Variants in MINDY2 observed in about 807,000 individuals in gnomAD.
The protein encoded by MINDY2 is MINDY lysine 48 deubiquitinase 2, also known as ubiquitin carboxyl-terminal hydrolase MINDY-2.
A neutral mutation model predicts 68.2 loss-of-function variants in MINDY2; 52 were observed. The ratio of observed to expected loss-of-function variants is 0.76; its 90% CI spans 0.61 to 0.96. The LOEUF (loss-of-function observed/expected upper bound fraction) is 0.96. MINDY2 is among the 40% of genes least tolerant of loss of function. MINDY2 has a pLI of 0.00. For missense variants in MINDY2, 881 were observed against 773.4 expected (o/e 1.14, Z -1.65); for synonymous variants, 372 against 303.0 (o/e 1.23, Z -2.36).
chr15:58,807,230 G>T (rs1489562006), intron 3 of MINDY2, among the ~76,000 whole-genome samples: 1 of 151,934 alleles, frequency 6.6e-6, no homozygotes, highest in Admixed American at 6.6e-5. Context: ...ATTAGCAGTA[G>T]GGATTCAGTA....
intron 3 of MINDY2, among the ~76,000 whole-genome samples, chr15:58,809,551 C>T (rs1482841697): frequency 6.6e-6 from 1 of 152,138 alleles, no homozygotes; most frequent in Non-Finnish European, 1.5e-5. Context: ...TCTTCAAGAT[C>T]CTACTTTCAG....
chr15:58,829,833 C>T (rs1027334236), intron 5 of MINDY2, among the ~76,000 whole-genome samples: 40 of 152,116 alleles, frequency 2.6e-4, no homozygotes, highest in African/African-American at 9.2e-4. Context: ...TTTTTACAAC[C>T]ACTTTGTAGC....
At position 58,857,937 on chromosome 15, in the gene MINDY2, C is replaced by T. The variant is rs994443418; in HGVS notation, c.*3327C>T. 1 of 152,096 alleles carries T rather than the reference C, an allele frequency of 6.6e-6. No individual in the cohort carries two copies. Among genetic ancestry groups the T allele is most frequent in the Middle Eastern group, 3.2e-3 (1 of 316 alleles). The allele number at this position is 152,096 out of a possible 1,614,324, so 9.4% of individuals were successfully genotyped here. ...TATAAAATTTTTCTTCATGTCTAAT[C>T]CCATTGCATCCACAATGCTGTGATT... is the stretch of plus-strand genomic sequence containing the variant. On this transcript the variant is annotated 3_prime_UTR_variant, in exon 9 of 9. Coordinates refer to ENST00000559228, the MANE Select transcript of MINDY2 (RefSeq NM_001040450.3).
intron 6 of MINDY2, among the ~76,000 whole-genome samples, chr15:58,839,546 G>C (rs2032176688): frequency 6.6e-6 from 1 of 152,040 alleles, no homozygotes; most frequent in South Asian, 2.1e-4. Context: ...TGGCCAGGCT[G>C]GTCTCAAACT....
intron 1 of MINDY2, 35 bp from the exon 2 acceptor site, chr15:58,787,871 A>G (rs371830694): frequency 6.8e-7 from 1 of 1,478,598 alleles, no homozygotes; most frequent in South Asian, 1.2e-5. Flanking sequence ...CACCTAAAAC[A>G]TTTAATTTTA....
At chr15:58,814,882 G>A (rs1430999220) in intron 4 of MINDY2, among the ~76,000 whole-genome samples, 4 of 149,024 alleles carry the variant, frequency 2.7e-5, no homozygotes, top group Admixed American at 6.8e-5. Flanking sequence ...GCCTCAAGCA[G>A]TCTTCCCACC....
chr15:58,803,702 G>C (rs1280940233), intron 3 of MINDY2, among the ~76,000 whole-genome samples: 1 of 152,042 alleles, frequency 6.6e-6, no homozygotes. Flanking sequence ...TGTAGTCCCA[G>C]CTATTCAGGA....
rs1028194375 is a variant in MINDY2, at chr15:58,794,148, G to A, written c.898+6185G>A. Among the ~76,000 whole-genome samples, 2 of 152,126 alleles carry A rather than the reference G, an allele frequency of 1.3e-5. 1 individual carries two copies. Among genetic ancestry groups the A allele is most frequent in the South Asian group, 4.1e-4 (2 of 4,828 alleles). Reference sequence around the variant, plus strand: ...GAGGGGAGGAATCTAAGGTATGAAGGTGTGTATAGAGAGTGATTATAATTA... The same window carrying A: ...GAGGGGAGGAATCTAAGGTATGAAGATGTGTATAGAGAGTGATTATAATTA... On this transcript the variant is annotated intron_variant, in intron 2 of 8. Transcript: ENST00000559228.
At chr15:58,841,394 T>C (rs969043548) in intron 6 of MINDY2, among the ~76,000 whole-genome samples, 3 of 151,444 alleles carry the variant, frequency 2.0e-5, no homozygotes, top group Non-Finnish European at 4.4e-5. Flanking sequence ...ATAATACGCT[T>C]TTCCTTTCTT....
chr15:58,826,191 T>C (rs2031380168), intron 5 of MINDY2, among the ~76,000 whole-genome samples: 1 of 151,862 alleles, frequency 6.6e-6, no homozygotes, highest in South Asian at 2.1e-4. Flanking sequence ...TGTTGATATG[T>C]TGAATGTTTT....
intron 7 of MINDY2, among the ~76,000 whole-genome samples, chr15:58,849,714 A>G (rs1425523960): frequency 2.0e-5 from 3 of 152,158 alleles, no homozygotes; most frequent in African/African-American, 4.8e-5. Context: ...TAGTCATGCT[A>G]TATATATGAC....
intron 1 of MINDY2, among the ~76,000 whole-genome samples, chr15:58,781,792 A>C (rs1180201795): frequency 3.3e-5 from 5 of 151,914 alleles, no homozygotes; most frequent in Non-Finnish European, 5.9e-5. Flanking sequence ...AATCCCAGCT[A>C]CTCGGGAGGC....
At chr15:58,816,113 C>T (rs894927221) in intron 4 of MINDY2, among the ~76,000 whole-genome samples, 1 of 152,250 alleles carries the variant, frequency 6.6e-6, no homozygotes, top group African/African-American at 2.4e-5. Context: ...ATGCAGCATA[C>T]ATGTGTGCAT....
At chr15:58,790,594 G>GGT (rs1476798562) in intron 2 of MINDY2, among the ~76,000 whole-genome samples, 1 of 151,864 alleles carries the variant, frequency 6.6e-6, no homozygotes, top group African/African-American at 2.4e-5. Context: ...TTAGTGGGGG[G>GGT]TAAGACAAGT....
intron 2 of MINDY2, among the ~76,000 whole-genome samples, chr15:58,795,119 T>C (rs1310893608): frequency 6.6e-6 from 1 of 151,586 alleles, no homozygotes; most frequent in African/African-American, 2.4e-5. Context: ...GAGCTTGCAG[T>C]GTACCGAGAT....
At chr15:58,833,880 TGGGTGTCG>T (rs1325028324) in intron 6 of MINDY2, among the ~76,000 whole-genome samples, 1 of 152,062 alleles carries the variant, frequency 6.6e-6, no homozygotes, top group African/African-American at 2.4e-5. Context: ...AGACCCTTTA[TGGGTGTCG>T]GGCTGCCGGA....
At chr15:58,804,415 C>T (rs1203761231) in intron 3 of MINDY2, among the ~76,000 whole-genome samples, 4 of 152,090 alleles carry the variant, frequency 2.6e-5, no homozygotes, top group African/African-American at 7.2e-5. Context: ...TTAGGGACTG[C>T]GGATGATAGC....
chr15:58,786,447 A>G (rs978342318), intron 1 of MINDY2, among the ~76,000 whole-genome samples: 4 of 152,226 alleles, frequency 2.6e-5, no homozygotes, highest in African/African-American at 7.2e-5. Context: ...AGTATTTACA[A>G]TCATTGACTG....
intron 1 of MINDY2, among the ~76,000 whole-genome samples, chr15:58,776,190 T>C (rs1183315370): frequency 2.6e-5 from 4 of 152,086 alleles, no homozygotes; most frequent in Non-Finnish European, 4.4e-5. Flanking sequence ...ATAGAGTAAA[T>C]ATGAGACTAA....
Sources: allele counts gnomAD v4.1 joint callset (sites outside exome capture counted in the v4.1 genomes callset), GRCh38; gene constraint gnomAD v4.1.1; transcripts MANE v1.5; gene names NCBI Gene and HGNC (gene_info 2026-07-23, HGNC 2026-07-21).